Variants in SSBP3 observed in about 807,000 individuals in gnomAD.
The protein encoded by SSBP3 is single stranded DNA binding protein 3.
In SSBP3, 5 loss-of-function variants were observed where a neutral mutation model predicts 69.6. The ratio of observed to expected loss-of-function variants is 0.07; its 90% CI spans 0.04 to 0.15. The LOEUF (loss-of-function observed/expected upper bound fraction) is 0.15. Ranked by LOEUF, SSBP3 falls within the 10% of genes least tolerant of loss-of-function variation. The pLI, the probability that SSBP3 is intolerant of heterozygous loss-of-function variation, is 1.00. For synonymous variants in SSBP3, 196 were observed against 193.4 expected, an observed-to-expected ratio of 1.01 and a Z score of -0.11; for missense variants, 312 against 534.0, an observed-to-expected ratio of 0.58 and a Z score of 4.10.
intron 4 of SSBP3, among the ~76,000 whole-genome samples, chr1:54,312,734 A>G (rs1569758233): frequency 6.6e-6 from 1 of 152,130 alleles, no homozygotes; most frequent in Non-Finnish European, 1.5e-5. Flanking sequence ...CAAGACCACC[A>G]CAGCCATGTC....
In SSBP3 at chr1:54,404,711, G is replaced by C. The variant is rs754818365; in HGVS notation, c.130-74C>G. On this transcript the variant is annotated intron_variant, in intron 2 of 17. Coordinates refer to ENST00000610401, the Ensembl canonical transcript of SSBP3. The stretch of plus-strand genomic sequence containing the variant: ...GCTGGGGGCTTCCCAGAGCCAAAAG[G>C]CTAGGAAGACCAACTAACAATAAAT... The C allele has an allele frequency of 4.5e-6, 7 of 1,554,224 alleles. No individual in the cohort carries two copies. In the Admixed American group the frequency reaches 8.4e-5, roughly 19 times the overall value.
intron 4 of SSBP3, among the ~76,000 whole-genome samples, chr1:54,306,822 A>G (rs1645909879): frequency 6.6e-6 from 1 of 152,152 alleles, no homozygotes; most frequent in South Asian, 2.1e-4. Context: ...TTTTTAAATA[A>G]AAAAGCACTT....
chr1:54,353,698 A>G (rs1317381607), intron 4 of SSBP3, among the ~76,000 whole-genome samples: 2 of 152,140 alleles, frequency 1.3e-5, no homozygotes, highest in Non-Finnish European at 2.9e-5. Flanking sequence ...CATCCTACTC[A>G]TGCTGCAGCC....
chr1:54,366,126 T>C (rs1009140548), intron 4 of SSBP3, among the ~76,000 whole-genome samples: 1 of 152,184 alleles, frequency 6.6e-6, no homozygotes, highest in Non-Finnish European at 1.5e-5. Flanking sequence ...ATTCCCTCTG[T>C]GAGTTAACTG....
At chr1:54,386,473 G>C (rs1300470588) in intron 4 of SSBP3, among the ~76,000 whole-genome samples, 1 of 152,062 alleles carries the variant, frequency 6.6e-6, no homozygotes, top group Non-Finnish European at 1.5e-5. Flanking sequence ...CTGTACTGGG[G>C]CCCTTGGCTG....
At chr1:54,269,938 G>A (rs1415316941) in intron 5 of SSBP3, among the ~76,000 whole-genome samples, 2 of 152,212 alleles carry the variant, frequency 1.3e-5, no homozygotes, top group African/African-American at 4.8e-5. Flanking sequence ...TCTGCCCTGT[G>A]GACGATGATT....
At chr1:54,406,032 A>AGCCTCGCCGCCGCCGCCGCCGCCGC (rs1649730123) in exon 1 of SSBP3, 1 of 1,319,042 alleles carries the variant, frequency 7.6e-7, no homozygotes, top group African/African-American at 1.6e-5. Context: ...GAGGGCGCCG[A>AGCCTCGCCGCCGCCGCCGCCGCCGC]GCCTCGCCGC....
chr1:54,407,777 T>A (rs1000503520), upstream of SSBP3, among the ~76,000 whole-genome samples: 10 of 125,450 alleles, frequency 8.0e-5, no homozygotes, highest in East Asian at 2.3e-4. Flanking sequence ...TTTTTTTTTT[T>A]AACTGCGCTG....
At chr1:54,324,634 G>T (rs1646269605) in intron 4 of SSBP3, among the ~76,000 whole-genome samples, 1 of 150,220 alleles carries the variant, frequency 6.7e-6, no homozygotes, top group African/African-American at 2.5e-5. Context: ...TTACCAAATG[G>T]GTCCGTTTTT....
chr1:54,338,757 C>G (rs1646554151), intron 4 of SSBP3, among the ~76,000 whole-genome samples: 1 of 152,194 alleles, frequency 6.6e-6, no homozygotes, highest in South Asian at 2.1e-4. Context: ...TCTTTGCCCC[C>G]ACCCTTCTCC....
At chr1:54,289,559 G>C (rs144294564) in intron 4 of SSBP3, among the ~76,000 whole-genome samples, 2 of 152,206 alleles carry the variant, frequency 1.3e-5, no homozygotes, top group African/African-American at 4.8e-5. Flanking sequence ...TGGTGACAGA[G>C]AACTGAGGGA....
chr1:54,265,782 GT>G (rs1039963462), intron 5 of SSBP3, among the ~76,000 whole-genome samples: 1 of 152,190 alleles, frequency 6.6e-6, no homozygotes, highest in African/African-American at 2.4e-5. Context: ...TGAGCAAATG[GT>G]TCATTGATTT....
Position 54,258,264 on chromosome 1 carries a change from G to A in SSBP3, c.367-115C>T, listed in dbSNP as rs1004585948. 5.1e-6 allele frequency: 4 copies of A among 779,560 alleles called. No homozygotes were observed. The highest frequency in any genetic ancestry group is 2.7e-5 in the South Asian group (1 of 36,444). The allele number at this position is 779,560 out of a possible 1,614,324, so 48.3% of individuals were successfully genotyped here. On this transcript the variant is annotated intron_variant, in intron 5 of 17. Transcript: ENST00000610401. The surrounding 1 kb of genome is among the most constrained non-coding windows in gnomAD (Gnocchi z 4.5). Reference sequence around the variant, plus strand: ...CGAAGGGTGGGCGGCGGGCGTGCGGGGGGGTGGGCTCTGGTTGGTGGGAGG... The same window carrying A: ...CGAAGGGTGGGCGGCGGGCGTGCGGAGGGGTGGGCTCTGGTTGGTGGGAGG...
chr1:54,357,471 T>A lies in SSBP3; in HGVS notation c.276+44390A>T, dbSNP rs1320105231. On this transcript the variant is annotated intron_variant, in intron 4 of 17. Transcript: ENST00000610401. ...ACCATAAGGGTGCTAGCACTATTTGTGAAGAAAAGAGAGAAAATTCAACCC... is the reference window on the plus strand; with the variant it reads ...ACCATAAGGGTGCTAGCACTATTTGAGAAGAAAAGAGAGAAAATTCAACCC... 2.0e-5 allele frequency among the ~76,000 whole-genome samples: 3 copies of A among 152,042 alleles called. No homozygotes were observed. The East Asian group carries it at 5.8e-4, about 29-fold the overall frequency.
chr1:54,281,220 C>A (rs1165252069), intron 5 of SSBP3, among the ~76,000 whole-genome samples: 1 of 152,198 alleles, frequency 6.6e-6, no homozygotes, highest in Non-Finnish European at 1.5e-5. Context: ...GAAGTGCAGG[C>A]AATGCAGGAG....
At position 54,258,006 on chromosome 1, in the gene SSBP3, C is replaced by T. The variant is rs774033427; in HGVS notation, c.447+63G>A. 1.4e-4 allele frequency: 214 copies of T among 1,482,558 alleles called. No individual in the cohort carries two copies. Among genetic ancestry groups the T allele is most frequent in the Non-Finnish European group, 1.9e-4 (206 of 1,095,620 alleles). The allele number at this position is 1,482,558 out of a possible 1,614,324, so 91.8% of individuals were successfully genotyped here. Reference sequence around the variant, plus strand: ...CATTTTGATTTTTGTTTTTCCTCTGCGGGCTCTCTGCTTCCTCCGCGCCCC... The same window carrying T: ...CATTTTGATTTTTGTTTTTCCTCTGTGGGCTCTCTGCTTCCTCCGCGCCCC... On this transcript the variant is annotated intron_variant, in intron 6 of 17. Transcript: ENST00000610401. The surrounding 1 kb of genome is among the most constrained non-coding windows in gnomAD (Gnocchi z 4.5).
intron 9 of SSBP3, among the ~76,000 whole-genome samples, chr1:54,244,302 C>T (rs1373546574): frequency 6.6e-6 from 1 of 152,164 alleles, no homozygotes; most frequent in Non-Finnish European, 1.5e-5. Context: ...CGGGGTTTCA[C>T]CATGTTGGCC....
intron 3 of SSBP3, among the ~76,000 whole-genome samples, chr1:54,402,724 C>G (rs2100819452): frequency 6.6e-6 from 1 of 152,270 alleles, no homozygotes; most frequent in South Asian, 2.1e-4. Flanking sequence ...CTAGAAATGC[C>G]TGCCTCACCC....
chr1:54,267,886 C>G (rs1283461183), intron 5 of SSBP3, among the ~76,000 whole-genome samples: 1 of 152,162 alleles, frequency 6.6e-6, no homozygotes, highest in Admixed American at 6.5e-5. Context: ...CAGCCCTGCA[C>G]AGCCAGCTCT....
Sources: allele counts gnomAD v4.1 joint callset (sites outside exome capture counted in the v4.1 genomes callset), GRCh38; gene constraint gnomAD v4.1.1; non-coding constraint Gnocchi (gnomAD v3.1); transcripts MANE v1.5; gene names NCBI Gene and HGNC (gene_info 2026-07-23, HGNC 2026-07-21).